Variants in PCDH11X observed in about 807,000 individuals in gnomAD.
PCDH11X encodes protocadherin 11 X-linked, also known as protocadherin-11 X-linked.
A neutral mutation model predicts 53.3 loss-of-function variants in PCDH11X; 18 were observed. The observed-to-expected ratio is 0.34, with a 90% confidence interval of 0.23 to 0.50. PCDH11X has a LOEUF of 0.50. PCDH11X is among the 20% of genes least tolerant of loss of function. PCDH11X has a pLI of 0.98. For synonymous variants in PCDH11X, 279 were observed against 393.3 expected (o/e 0.71, Z 3.44); for missense variants, 570 against 1,032.4 (o/e 0.55, Z 6.14).
chrX:92,560,069 A>G (rs1220694779), intron 10 of PCDH11X, among the ~76,000 whole-genome samples: 1 of 111,889 alleles, frequency 8.9e-6, no homozygotes, highest in Non-Finnish European at 1.9e-5. Flanking sequence ...AAGGCAAGGA[A>G]AGCAAAGAGT....
At chrX:91,818,222 G>A (rs1936513720) in intron 4 of PCDH11X, among the ~76,000 whole-genome samples, 1 of 110,640 alleles carries the variant, frequency 9.0e-6, no homozygotes, top group African/African-American at 3.3e-5. Context: ...CCAAGTAATA[G>A]GAGCCTCTAG....
intron 8 of PCDH11X, among the ~76,000 whole-genome samples, chrX:92,273,848 A>G (rs4268282): frequency 0.032 from 3,583 of 111,054 alleles, 115 homozygotes; most frequent in East Asian, 0.26. Context: ...AGGACCTAGG[A>G]CATCTGATTA....
chrX:92,109,441 T>C (rs35375044), intron 6 of PCDH11X, among the ~76,000 whole-genome samples: 2 of 110,691 alleles, frequency 1.8e-5, no homozygotes, highest in Non-Finnish European at 3.8e-5. Context: ...ATTGTTCGGA[T>C]TGAAGATGGA....
rs781596046 is a variant in PCDH11X at position 92,014,183 on chromosome X, A to G, written c.3033+134910A>G. ...ATCTACAAATAACTCAAACAAATTT[A>G]CAAGAAAAAAAACAAACAACCCCAT... On this transcript the variant is annotated intron_variant, in intron 6 of 10. Transcript: ENST00000682573. 5.2e-3 allele frequency among the ~76,000 whole-genome samples: 495 copies of G among 95,858 alleles called. 4 individuals carry two copies. The highest frequency in any genetic ancestry group is 0.023 in the Middle Eastern group (4 of 174). 83.2% of individuals were successfully genotyped at this position (95,858 alleles called of 115,157 possible).
chrX:92,012,052 G>A (rs2062700653), intron 6 of PCDH11X, among the ~76,000 whole-genome samples: 1 of 110,403 alleles, frequency 9.1e-6, no homozygotes, highest in African/African-American at 3.3e-5. Flanking sequence ...TGACATATGG[G>A]GCCATTACAG....
intron 6 of PCDH11X, among the ~76,000 whole-genome samples, chrX:92,032,361 C>A (rs2063064725): frequency 9.0e-6 from 1 of 110,875 alleles, no homozygotes; most frequent in South Asian, 3.8e-4. Flanking sequence ...ATTTGTTTAC[C>A]AGTTGTAAGA....
intron 10 of PCDH11X, among the ~76,000 whole-genome samples, chrX:92,480,159 G>T (rs2073472324): frequency 9.0e-6 from 1 of 111,381 alleles, no homozygotes; most frequent in Non-Finnish European, 1.9e-5. Flanking sequence ...ACTTGTGATT[G>T]CATTATGAAA....
At chrX:92,324,219 G>A (rs762047414) in intron 8 of PCDH11X, among the ~76,000 whole-genome samples, 1 of 109,577 alleles carries the variant, frequency 9.1e-6, no homozygotes, top group Non-Finnish European at 1.9e-5. Flanking sequence ...TTATGCTCAA[G>A]TAATTGATGT....
intron 9 of PCDH11X, among the ~76,000 whole-genome samples, chrX:92,421,449 T>C (rs2071964691): frequency 8.9e-6 from 1 of 112,109 alleles, no homozygotes; most frequent in Non-Finnish European, 1.9e-5. Flanking sequence ...TCTCATTCTC[T>C]TTTTATTGCT....
At chrX:92,222,388 T>C (rs6618925) in intron 7 of PCDH11X, among the ~76,000 whole-genome samples, 8,514 of 111,387 alleles carry the variant, frequency 0.076, 557 homozygotes, top group East Asian at 0.43. Context: ...TGTGAGACTT[T>C]AAAGATTTGT....
intron 4 of PCDH11X, among the ~76,000 whole-genome samples, chrX:91,824,688 C>T (rs1241265776): frequency 2.9e-5 from 3 of 104,952 alleles, no homozygotes; most frequent in Non-Finnish European, 5.7e-5. Context: ...CAAAGTCATT[C>T]TCTGTTCAGC....
At chrX:92,049,272 A>G (rs367674189) in intron 6 of PCDH11X, among the ~76,000 whole-genome samples, 5 of 111,757 alleles carry the variant, frequency 4.5e-5, no homozygotes, top group African/African-American at 1.6e-4. Flanking sequence ...AAGGTATGCA[A>G]GGAAATATAT....
intron 10 of PCDH11X, among the ~76,000 whole-genome samples, chrX:92,518,676 G>A (rs1442734531): frequency 1.8e-5 from 2 of 109,959 alleles, no homozygotes; most frequent in African/African-American, 3.3e-5. Flanking sequence ...CTGCGAGCAT[G>A]CTAGCAAAAG....
intron 6 of PCDH11X, among the ~76,000 whole-genome samples, chrX:92,140,656 A>C (rs1303402027): frequency 8.9e-6 from 1 of 111,929 alleles, no homozygotes; most frequent in Admixed American, 9.6e-5. Flanking sequence ...TTACATATAA[A>C]TTTATAGAAT....
At chrX:92,260,386 T>C in intron 7 of PCDH11X, among the ~76,000 whole-genome samples, 1 of 110,610 alleles carries the variant, frequency 9.0e-6, no homozygotes, top group East Asian at 2.9e-4. Flanking sequence ...CAGCACTGAG[T>C]TCGGTGCCTC....
chrX:92,243,603 A>G (rs1481030215), intron 7 of PCDH11X, among the ~76,000 whole-genome samples: 1 of 111,127 alleles, frequency 9.0e-6, no homozygotes, highest in Non-Finnish European at 1.9e-5. Context: ...CTTTCCATAT[A>G]ATTTTAGAAT....
chrX:92,204,036 G>A (rs1254417942), intron 7 of PCDH11X, among the ~76,000 whole-genome samples: 8 of 112,098 alleles, frequency 7.1e-5, no homozygotes, highest in Non-Finnish European at 1.5e-4. Flanking sequence ...GACTGGAACT[G>A]AAGCACCTGT....
intron 6 of PCDH11X, among the ~76,000 whole-genome samples, chrX:91,898,473 T>G (rs1043880678): frequency 1.2e-4 from 13 of 109,481 alleles, no homozygotes; most frequent in Non-Finnish European, 2.5e-4. Context: ...GTAATGTAAC[T>G]TTAAAGCCTT....
intron 6 of PCDH11X, among the ~76,000 whole-genome samples, chrX:92,016,641 G>A (rs1282473322): frequency 9.2e-6 from 1 of 108,721 alleles, no homozygotes; most frequent in African/African-American, 3.4e-5. Flanking sequence ...TAGAATTGAA[G>A]AGTGTTAGGA....
Sources: gnomAD v4.1 joint callset for allele counts (sites outside exome capture counted in the v4.1 genomes callset) on GRCh38, gnomAD v4.1.1 for gene constraint, MANE v1.5 for transcripts, NCBI Gene and HGNC (gene_info 2026-07-23, HGNC 2026-07-21) for gene names.